Variants in DMD observed in about 807,000 individuals in gnomAD.
DMD encodes mutant dystrophin.
DMD carries 63 observed loss-of-function variants against 330.1 expected under a neutral mutation model. The ratio of observed to expected loss-of-function variants is 0.19; its 90% CI spans 0.16 to 0.24. The LOEUF (loss-of-function observed/expected upper bound fraction) is 0.24, where lower values mean the gene tolerates loss of function less well. Among genes scored for constraint, DMD ranks in the 10% least tolerant of loss-of-function variants. The probability of loss-of-function intolerance (pLI) is 1.00; values close to 1 mark genes in which losing one functional copy is unlikely to be tolerated. For synonymous variants in DMD, 1,223 were observed against 959.8 expected (o/e 1.27, Z -5.07); for missense variants, 3,344 against 2,684.1 (o/e 1.25, Z -5.43).
chrX:31,702,017 G>C (rs2083846830), intron 52 of DMD, among the ~76,000 whole-genome samples: 1 of 112,307 alleles, frequency 8.9e-6, no homozygotes, highest in Non-Finnish European at 1.9e-5. Context: ...CAGTATTAGA[G>C]AGTCTAAAGT....
intron 48 of DMD, among the ~76,000 whole-genome samples, chrX:31,860,868 T>A (rs1056782596): frequency 2.7e-5 from 3 of 112,201 alleles, no homozygotes; most frequent in African/African-American, 9.7e-5. Flanking sequence ...TAGTTAAAAA[T>A]TTTTTAAATC....
At chrX:32,902,158 A>AACAAACAC (rs2086312075) in intron 2 of DMD, among the ~76,000 whole-genome samples, 1 of 86,645 alleles carries the variant, frequency 1.2e-5, no homozygotes, top group South Asian at 6.3e-4. Context: ...CACACACACA[A>AACAAACAC]ACACACACAC....
chrX:31,456,947 G>T (rs1159783662), intron 59 of DMD, among the ~76,000 whole-genome samples: 3 of 105,033 alleles, frequency 2.9e-5, no homozygotes, highest in Non-Finnish European at 5.8e-5. Flanking sequence ...ACAATCATTA[G>T]CAGAGGTACA....
intron 63 of DMD, among the ~76,000 whole-genome samples, chrX:31,247,326 G>T (rs2048925200): frequency 9.0e-6 from 1 of 111,430 alleles, no homozygotes; most frequent in South Asian, 3.8e-4. Context: ...TGGAAGTCAG[G>T]TGTGGTGGCT....
At chrX:32,708,495 CAG>C (rs925431670) in intron 7 of DMD, among the ~76,000 whole-genome samples, 6 of 111,166 alleles carry the variant, frequency 5.4e-5, no homozygotes, top group African/African-American at 2.0e-4. Flanking sequence ...ATGATGTTAA[CAG>C]AGAAAATGAA....
At chrX:32,266,146 T>G (rs377372795) in intron 43 of DMD, among the ~76,000 whole-genome samples, 52 of 111,842 alleles carry the variant, frequency 4.6e-4, no homozygotes, top group African/African-American at 1.7e-3. Context: ...CAGGGGCGGT[T>G]ATCCCCATGG....
chrX:31,543,165 T>A (rs1264386103), intron 55 of DMD, among the ~76,000 whole-genome samples: 2 of 109,978 alleles, frequency 1.8e-5, no homozygotes, highest in Admixed American at 9.6e-5. Flanking sequence ...TTTTATTTTT[T>A]ATTTTTATTT....
chrX:32,712,689 G>T (rs1170927902), intron 7 of DMD, among the ~76,000 whole-genome samples: 1 of 111,266 alleles, frequency 9.0e-6, no homozygotes, highest in Non-Finnish European at 1.9e-5. Context: ...CATTGTAGGA[G>T]TGTTATCATA....
chrX:31,284,674 A>C (rs113888373), intron 62 of DMD, among the ~76,000 whole-genome samples: 4,041 of 105,570 alleles, frequency 0.038, 269 homozygotes, highest in African/African-American at 0.14. Flanking sequence ...GGCCTCAAGC[A>C]ATGCTCCCAC....
At chrX:31,275,155 T>TTG (rs59068818) in intron 62 of DMD, among the ~76,000 whole-genome samples, 5,039 of 96,366 alleles carry the variant, frequency 0.052, 140 homozygotes, top group Non-Finnish European at 0.077. Context: ...AAATCAGGTT[T>TTG]TGTGTGTGTG....
intron 70 of DMD, chrX:31,178,338 A>G: frequency 1.0e-6 from 1 of 972,242 alleles, no homozygotes; most frequent in African/African-American, 1.9e-5. Context: ...GTGAGAGAGG[A>G]AAATCAAAAT....
intron 52 of DMD, among the ~76,000 whole-genome samples, chrX:31,701,505 C>T (rs1164036151): frequency 1.8e-5 from 2 of 111,842 alleles, no homozygotes; most frequent in African/African-American, 3.3e-5. Flanking sequence ...CTAATTCCCT[C>T]GCTGTACTCA....
intron 2 of DMD, among the ~76,000 whole-genome samples, chrX:32,921,216 G>A (rs2146569979): frequency 8.9e-6 from 1 of 111,985 alleles, no homozygotes; most frequent in South Asian, 3.7e-4. Flanking sequence ...GTTTGAATAT[G>A]CTGGATAACA....
At chrX:31,391,620 C>G (rs1405824731) in intron 60 of DMD, among the ~76,000 whole-genome samples, 2 of 110,199 alleles carry the variant, frequency 1.8e-5, no homozygotes, top group Non-Finnish European at 1.9e-5. Context: ...CACCTGTAAT[C>G]CCAGCACTTT....
Position 32,467,378 on chromosome X carries a change from G to C in DMD, c.3162+1120C>G, listed in dbSNP as rs773377255. On this transcript the variant is annotated intron_variant, in intron 23 of 78. Coordinates refer to ENST00000357033, the MANE Select transcript of DMD (RefSeq NM_004006.3). ...ACCTTAATGCAATTGTTGGTTTACT[G>C]TTTTTCTTTAGCTTGAGTGGTTATT... is the stretch of plus-strand genomic sequence containing the variant. Among the ~76,000 whole-genome samples, 3 of 110,851 alleles carry C rather than the reference G, an allele frequency of 2.7e-5. No individual in the cohort carries two copies. The South Asian group carries it at 1.1e-3, about 42-fold the overall frequency.
intron 60 of DMD, among the ~76,000 whole-genome samples, chrX:31,411,951 C>T (rs1345246726): frequency 1.8e-5 from 2 of 109,736 alleles, no homozygotes; most frequent in Non-Finnish European, 3.8e-5. Context: ...TTAGGGAGGT[C>T]GAGGCGGGCG....
intron 1 of DMD, among the ~76,000 whole-genome samples, chrX:33,066,909 G>A (rs1030120574): frequency 8.9e-6 from 1 of 111,988 alleles, no homozygotes; most frequent in African/African-American, 3.2e-5. Flanking sequence ...CCAGAAGGAA[G>A]ATTGACAATA....
intron 52 of DMD, among the ~76,000 whole-genome samples, chrX:31,681,473 T>C (rs780393988): frequency 3.6e-5 from 4 of 112,213 alleles, no homozygotes; most frequent in Admixed American, 9.4e-5. Context: ...TCAAAGGACA[T>C]AGTCAGCCTG....
At chrX:31,321,088 A>C (rs1337163405) in intron 62 of DMD, among the ~76,000 whole-genome samples, 1 of 111,762 alleles carries the variant, frequency 8.9e-6, no homozygotes, top group Non-Finnish European at 1.9e-5. Flanking sequence ...GTGGAAAAAT[A>C]AAATTCCTGT....
Sources: allele counts gnomAD v4.1 joint callset (sites outside exome capture counted in the v4.1 genomes callset), GRCh38; gene constraint gnomAD v4.1.1; transcripts MANE v1.5; gene names NCBI Gene and HGNC (gene_info 2026-07-23, HGNC 2026-07-21).